The following PEX5L variants were observed in gnomAD, a reference collection of about 807,000 sequenced individuals.
PEX5L encodes peroxisomal biogenesis factor 5 like, also known as PEX5-related protein.
In PEX5L, 30 loss-of-function variants were observed where a neutral mutation model predicts 84.0. The observed-to-expected ratio is 0.36, with a 90% CI of 0.27 to 0.48. The LOEUF is 0.48. Among genes scored for constraint, PEX5L ranks in the 20% least tolerant of loss-of-function variants. The pLI is 0.99. For missense variants in PEX5L, 533 were observed against 754.6 expected (o/e 0.71, Z 3.44); for synonymous variants, 270 against 283.1 (o/e 0.95, Z 0.46).
intron 7 of PEX5L, among the ~76,000 whole-genome samples, chr3:179,870,679 G>A (rs1749996958): frequency 6.6e-6 from 1 of 152,140 alleles, no homozygotes; most frequent in South Asian, 2.1e-4. Flanking sequence ...TCTATGAAGA[G>A]GATATTTAGG....
At chr3:179,872,446 GATTC>G (rs2108681069) in intron 7 of PEX5L, among the ~76,000 whole-genome samples, 1 of 152,190 alleles carries the variant, frequency 6.6e-6, no homozygotes, top group Non-Finnish European at 1.5e-5. Context: ...TCTCTAAAAG[GATTC>G]ATTAAGATTT....
chr3:180,020,749 AG>A (rs761018820), intron 1 of PEX5L, among the ~76,000 whole-genome samples: 4 of 152,218 alleles, frequency 2.6e-5, no homozygotes, highest in African/African-American at 4.8e-5. Context: ...GATTTTTTAA[AG>A]GGAATAGTTC....
chr3:179,880,843 TA>T (rs1390942765), intron 4 of PEX5L: 1 of 152,214 alleles, frequency 6.6e-6, no homozygotes, highest in Non-Finnish European at 1.5e-5. Context: ...AAATGAGAAT[TA>T]AAAAAGCAAG....
chr3:179,845,382 C>A (rs1272246408), intron 8 of PEX5L, among the ~76,000 whole-genome samples: 1 of 152,106 alleles, frequency 6.6e-6, no homozygotes, highest in Non-Finnish European at 1.5e-5. Context: ...GGTATGAATA[C>A]TTTCTGGGTA....
chr3:179,915,044 G>A (rs1276815135), intron 2 of PEX5L, among the ~76,000 whole-genome samples: 1 of 152,152 alleles, frequency 6.6e-6, no homozygotes, highest in Non-Finnish European at 1.5e-5. Flanking sequence ...ATTGAGAATG[G>A]AGCCAAGTTT....
At chr3:180,035,034 G>A (rs1381158710) in intron 1 of PEX5L, among the ~76,000 whole-genome samples, 1 of 152,022 alleles carries the variant, frequency 6.6e-6, no homozygotes, top group East Asian at 1.9e-4. Context: ...TATTTTTTAA[G>A]CAACAAAACA....
intron 7 of PEX5L, among the ~76,000 whole-genome samples, chr3:179,873,960 C>T (rs1483127137): frequency 3.3e-5 from 5 of 152,028 alleles, no homozygotes; most frequent in African/African-American, 1.2e-4. Flanking sequence ...TGAATGAACA[C>T]TCAAGATGCA....
intron 8 of PEX5L, among the ~76,000 whole-genome samples, chr3:179,850,798 AT>A (rs1741539459): frequency 6.6e-6 from 1 of 152,216 alleles, no homozygotes; most frequent in African/African-American, 2.4e-5. Flanking sequence ...GGTTTAAGGA[AT>A]GTTTAATGCA....
chr3:179,999,388 C>T (rs1281754851), intron 1 of PEX5L, among the ~76,000 whole-genome samples: 2 of 152,140 alleles, frequency 1.3e-5, no homozygotes, highest in Non-Finnish European at 1.5e-5. Context: ...GTCCCATGAA[C>T]AAAGTGGACA....
In PEX5L at chr3:179,880,111, C is replaced by G; in HGVS notation, c.323G>C (p.Gly108Ala). ...TTCACTCAGGTCGAGGAGATCTAAGCCAGTGGTCAATACTACCAGAAATGG... is the reference window on the plus strand; with the variant it reads ...TTCACTCAGGTCGAGGAGATCTAAGGCAGTGGTCAATACTACCAGAAATGG... ...VTSNTAVLTT[G>A]LDLLDLSEPV... is the part of the protein sequence containing the mutation. The change falls in exon 5 of 15, where the codon GGC (glycine) becomes GCC (alanine). Residue 108 changes from glycine to alanine, a missense_variant. Physicochemically the swap from Gly to Ala is moderately conservative, Grantham distance 60 (BLOSUM62 0). Around this residue, in one of 8 missense-constraint regions of PEX5L, gnomAD observed 259 missense variants for 301.7 expected, o/e 0.86. Transcript: ENST00000467460. The G allele has an allele frequency of 6.2e-7, 1 of 1,604,600 alleles. No homozygotes were observed. Among genetic ancestry groups the G allele is most frequent in the Non-Finnish European group, 8.5e-7 (1 of 1,175,660 alleles).
At chr3:180,000,925 T>C (rs1000996408) in intron 1 of PEX5L, among the ~76,000 whole-genome samples, 1 of 152,134 alleles carries the variant, frequency 6.6e-6, no homozygotes, top group Non-Finnish European at 1.5e-5. Context: ...AGGGGTGGAC[T>C]TGTGATGGTT....
chr3:179,970,094 AAAAAGAAAGAAAG>A (rs1227101543), intron 2 of PEX5L, among the ~76,000 whole-genome samples: 3 of 152,138 alleles, frequency 2.0e-5, no homozygotes, highest in Non-Finnish European at 4.4e-5. Flanking sequence ...GATTTAGGCA[AAAAAGAAAGAAAG>A]AAAAGAAAAG....
chr3:179,872,672 A>T (rs185235837), intron 7 of PEX5L, among the ~76,000 whole-genome samples: 4 of 152,332 alleles, frequency 2.6e-5, no homozygotes, highest in African/African-American at 9.6e-5. Context: ...AACCAGGGAC[A>T]CCAGCTGATC....
intron 2 of PEX5L, among the ~76,000 whole-genome samples, chr3:179,926,218 G>C (rs1452360231): frequency 6.6e-6 from 1 of 152,044 alleles, no homozygotes; most frequent in Non-Finnish European, 1.5e-5. Flanking sequence ...CTCCTGAACT[G>C]GTCCTCTTGC....
intron 1 of PEX5L, among the ~76,000 whole-genome samples, chr3:179,980,256 C>T (rs140762766): frequency 4.9e-4 from 75 of 152,218 alleles, no homozygotes; most frequent in Middle Eastern, 3.4e-3. Context: ...ATGTATGTGA[C>T]TGAATGGCTT....
In PEX5L at chr3:179,874,726, GTTTTTTTTTTTGTTTTTTT is replaced by G. The variant is rs1309198851; in HGVS notation, c.630-322_630-304del. ...AATTCTGTTTCATAAAAAAATTATG[GTTTTTTTTTTTGTTTTTTT>G]TTTTTTTTTTTTTTTTTGGTAGGGG... On this transcript the variant is annotated intron_variant, in intron 6 of 14. Coordinates refer to ENST00000467460, the MANE Select transcript of PEX5L (RefSeq NM_016559.3). 9.7e-4 allele frequency among the ~76,000 whole-genome samples: 44 copies of G among 45,210 alleles called. 1 individual carries two copies. The South Asian group carries it at 0.024, about 24-fold the overall frequency. 29.7% of individuals were successfully genotyped at this position (45,210 alleles called of 152,430 possible).
At chr3:179,863,154 C>G (rs769571457) in intron 7 of PEX5L, among the ~76,000 whole-genome samples, 1 of 152,114 alleles carries the variant, frequency 6.6e-6, no homozygotes, top group East Asian at 1.9e-4. Context: ...AATGAAATTA[C>G]ACCCTTTTCT....
At chr3:179,910,526 T>C (rs1469708227) in intron 2 of PEX5L, among the ~76,000 whole-genome samples, 1 of 152,184 alleles carries the variant, frequency 6.6e-6, no homozygotes, top group Non-Finnish European at 1.5e-5. Flanking sequence ...AGAAAACAAA[T>C]TAAAAAAAGA....
chr3:179,832,335 C>T (rs1389392840), intron 8 of PEX5L, among the ~76,000 whole-genome samples: 2 of 151,978 alleles, frequency 1.3e-5, no homozygotes. Flanking sequence ...TTCCTGCTTA[C>T]TTACCCACCC....
Sources: allele counts gnomAD v4.1 joint callset (sites outside exome capture counted in the v4.1 genomes callset), GRCh38; gene constraint gnomAD v4.1.1; regional missense constraint gnomAD v4.1.1; transcripts MANE v1.5; gene names NCBI Gene and HGNC (gene_info 2026-07-23, HGNC 2026-07-21).